Variants in NFXL1 observed in about 807,000 individuals in gnomAD.
The protein encoded by NFXL1 is nuclear transcription factor, X-box binding like 1.
NFXL1 carries 66 observed loss-of-function variants against 123.3 expected under a neutral mutation model. The observed-to-expected ratio is 0.54, with a 90% CI of 0.44 to 0.66. The LOEUF (loss-of-function observed/expected upper bound fraction) is 0.66, where lower values mean the gene tolerates loss of function less well. NFXL1 is among the 30% of genes least tolerant of loss of function. The pLI, the probability that NFXL1 is intolerant of heterozygous loss-of-function variation, is 0.00. For missense variants in NFXL1, 944 were observed against 1,125.6 expected, an observed-to-expected ratio of 0.84 and a Z score of 2.31; for synonymous variants, 346 against 360.8, an observed-to-expected ratio of 0.96 and a Z score of 0.46.
At chr4:47,912,277 T>G (rs898163820) in intron 2 of NFXL1, among the ~76,000 whole-genome samples, 1 of 152,058 alleles carries the variant, frequency 6.6e-6, no homozygotes, top group African/African-American at 2.4e-5. Context: ...ACTTAAAAGA[T>G]ACATAAGAAA....
At chr4:47,887,518 A>G (rs1736513717) in intron 12 of NFXL1, among the ~76,000 whole-genome samples, 2 of 152,202 alleles carry the variant, frequency 1.3e-5, no homozygotes, top group African/African-American at 2.4e-5. Context: ...TGACACATAT[A>G]TTCTTGATGT....
intron 2 of NFXL1, among the ~76,000 whole-genome samples, chr4:47,911,830 T>C (rs1737841649): frequency 6.6e-6 from 1 of 152,230 alleles, no homozygotes; most frequent in Admixed American, 6.5e-5. Flanking sequence ...AGGGATTTTC[T>C]TCAAGCACTA....
intron 12 of NFXL1, among the ~76,000 whole-genome samples, chr4:47,887,705 GAACCTTTTTGTTATCAAACGT>G (rs1289325751): frequency 3.3e-5 from 5 of 152,078 alleles, no homozygotes; most frequent in African/African-American, 7.2e-5. Context: ...TTCAGCAGAG[GAACCTTTTTGTTATCAAACGT>G]AACCTTTTTG....
intron 13 of NFXL1, 35 bp downstream of exon 13, chr4:47,885,844 A>T: frequency 6.3e-7 from 1 of 1,589,954 alleles, no homozygotes; most frequent in South Asian, 1.2e-5. Flanking sequence ...TTTGTACAAC[A>T]TCAGATGGAA....
Position 47,914,363 on chromosome 4 carries a change from A to C in NFXL1, c.-3+2T>G. On this transcript the variant is annotated splice_donor_variant, in intron 1 of 22. Coordinates refer to ENST00000507489, the MANE Select transcript of NFXL1 (RefSeq NM_001278624.2). LOFTEE classifies it low-confidence loss of function (5UTR_SPLICE). ...TTTAGGAGGTCGCGGCCCTGCCTTT[A>C]CCGGAGGGCGAGTCCCCGCCAAGCC... 1.7e-6 allele frequency: 1 copy of C among 571,830 alleles called. No homozygotes were observed. Among genetic ancestry groups the C allele is most frequent in the Non-Finnish European group, 3.0e-6 (1 of 333,166 alleles). 35.4% of individuals were successfully genotyped at this position (571,830 alleles called of 1,614,324 possible). A position where few individuals can be genotyped will look rare whatever the true frequency, so the allele number is the denominator to read the frequency against.
intron 18 of NFXL1, among the ~76,000 whole-genome samples, chr4:47,871,181 TCTA>T (rs1419018160): frequency 6.6e-6 from 1 of 151,872 alleles, no homozygotes; most frequent in Non-Finnish European, 1.5e-5. Flanking sequence ...AAACCCTGTC[TCTA>T]CTAAAAAAAA....
intron 21 of NFXL1, 61 bp from the exon 22 acceptor site, chr4:47,851,209 T>A: frequency 8.3e-7 from 1 of 1,202,432 alleles, no homozygotes; most frequent in Non-Finnish European, 1.2e-6. Context: ...TATGGAATTT[T>A]AACATCTACC....
intron 19 of NFXL1, among the ~76,000 whole-genome samples, chr4:47,857,072 C>T (rs997337813): frequency 3.3e-5 from 5 of 151,996 alleles, no homozygotes; most frequent in Non-Finnish European, 1.5e-5. Flanking sequence ...AGTAACTAAC[C>T]CTTCCACTTC....
chr4:47,902,059 G>A (rs1394220214), intron 5 of NFXL1, among the ~76,000 whole-genome samples: 7 of 152,198 alleles, frequency 4.6e-5, no homozygotes, highest in African/African-American at 1.7e-4. Context: ...GCAGGCACCT[G>A]TAATCCCACC....
At chr4:47,849,680 G>T (rs1734007859) in intron 22 of NFXL1, among the ~76,000 whole-genome samples, 1 of 152,088 alleles carries the variant, frequency 6.6e-6, no homozygotes, top group Non-Finnish European at 1.5e-5. Flanking sequence ...TAAAATAACT[G>T]ACAGTTAAAT....
rs1051164181 is a variant in NFXL1, at chr4:47,899,017, C to T, written c.930G>A (p.Leu310=). The T allele has an allele frequency of 5.6e-6, 9 of 1,613,734 alleles. No individual in the cohort carries two copies. The change falls in exon 7 of 23, where the codon CTG becomes CTA. Residue 310 remains leucine (L), a synonymous_variant. Transcript: ENST00000507489. ...CACAAAGCAACTTCTGTCCACATGG[C>T]AGCTGACAAGACCATTCCTTGGCAC... ...RCSAKEWSCQ[L]PCGQKLLCGQ...
intron 17 of NFXL1, among the ~76,000 whole-genome samples, chr4:47,877,415 G>C (rs1735819685): frequency 6.6e-6 from 1 of 152,046 alleles, no homozygotes; most frequent in Non-Finnish European, 1.5e-5. Flanking sequence ...TTTAACCCAG[G>C]AAGCAATTTG....
At chr4:47,903,348 A>G (rs1435638761) in intron 4 of NFXL1, 25 bp from the exon 5 acceptor site, 4 of 1,437,914 alleles carry the variant, frequency 2.8e-6, no homozygotes, top group Non-Finnish European at 3.7e-6. Flanking sequence ...TCAGAAGTTA[A>G]TATATGTTAA....
rs764740382 is a variant in NFXL1 at position 47,848,135 on chromosome 4, G to C, written c.*28C>G. The C allele has an allele frequency of 1.0e-5, 15 of 1,444,182 alleles. No individual in the cohort carries two copies. Among genetic ancestry groups the C allele is most frequent in the Non-Finnish European group, 1.3e-5 (14 of 1,056,442 alleles). 89.5% of individuals were successfully genotyped at this position (1,444,182 alleles called of 1,614,324 possible). A position where few individuals can be genotyped will look rare whatever the true frequency, so the allele number is the denominator to read the frequency against. ...TTAACAACTTATCTAAATCCAATCT[G>C]AGTTACATTAAAAGATCAAAACTTT... On this transcript the variant is annotated 3_prime_UTR_variant, in exon 23 of 23. Transcript: ENST00000507489.
intron 19 of NFXL1, among the ~76,000 whole-genome samples, chr4:47,859,064 T>G (rs192353179): frequency 6.6e-6 from 1 of 152,292 alleles, no homozygotes; most frequent in East Asian, 1.9e-4. Context: ...ACTACAGATT[T>G]CATAGCAAAA....
At chr4:47,898,280 T>C (rs1214395716) in intron 8 of NFXL1, among the ~76,000 whole-genome samples, 199 bp from the exon 9 acceptor site, 1 of 152,148 alleles carries the variant, frequency 6.6e-6, no homozygotes, top group Admixed American at 6.6e-5. Context: ...CACACATATA[T>C]TTCCTATGCA....
intron 18 of NFXL1, among the ~76,000 whole-genome samples, chr4:47,873,653 T>C (rs113136148): frequency 2.6e-4 from 39 of 152,326 alleles, no homozygotes; most frequent in African/African-American, 9.1e-4. Flanking sequence ...TGTTGTTCCA[T>C]TCATAGAGCA....
intron 18 of NFXL1, among the ~76,000 whole-genome samples, chr4:47,873,703 T>C (rs1735576411): frequency 6.6e-6 from 1 of 152,172 alleles, no homozygotes; most frequent in Admixed American, 6.5e-5. Flanking sequence ...GGTAAATGAG[T>C]ACTGGCTTCA....
intron 11 of NFXL1, among the ~76,000 whole-genome samples, chr4:47,893,541 G>A (rs867964797): frequency 2.0e-5 from 3 of 152,034 alleles, no homozygotes; most frequent in Non-Finnish European, 4.4e-5. Context: ...AAAGATAGTA[G>A]AGCAATACCT....
Sources: allele counts gnomAD v4.1 joint callset (sites outside exome capture counted in the v4.1 genomes callset), GRCh38; gene constraint gnomAD v4.1.1; transcripts MANE v1.5; gene names NCBI Gene and HGNC (gene_info 2026-07-23, HGNC 2026-07-21).